PIEZO2: variants seen among roughly 807,000 people sequenced by gnomAD.
PIEZO2 encodes piezo-type mechanosensitive ion channel component 2.
In PIEZO2, 172 loss-of-function variants were observed where a neutral mutation model predicts 337.3. That is an observed-to-expected ratio of 0.51 (90% CI 0.45 to 0.58). PIEZO2 has a LOEUF of 0.58. Ranked by LOEUF, PIEZO2 falls within the 20% of genes least tolerant of loss-of-function variation. PIEZO2 has a pLI of 0.00. For synonymous variants in PIEZO2, 1,251 were observed against 1,228.5 expected, an observed-to-expected ratio of 1.02 and a Z score of -0.38; for missense variants, 3,028 against 3,391.3, an observed-to-expected ratio of 0.89 and a Z score of 2.66.
intron 2 of PIEZO2, among the ~76,000 whole-genome samples, chr18:11,049,515 T>C (rs1439059272): frequency 2.0e-5 from 3 of 152,168 alleles, no homozygotes; most frequent in Non-Finnish European, 4.4e-5. Context: ...TCAACTGTAA[T>C]AACAGGGCAG....
chr18:11,079,017 T>C (rs370798256), intron 1 of PIEZO2, among the ~76,000 whole-genome samples: 1 of 152,216 alleles, frequency 6.6e-6, no homozygotes, highest in East Asian at 1.9e-4. Context: ...GGTGGCATCC[T>C]TTATTCAGGA....
chr18:10,718,353 T>A, intron 36 of PIEZO2, 94 bp from the exon 37 acceptor site: 1 of 1,042,414 alleles, frequency 9.6e-7, no homozygotes, highest in Non-Finnish European at 1.4e-6. Flanking sequence ...ATTTTGTAAT[T>A]AACTCTAGGA....
At chr18:10,733,165 C>T (rs2036854260) in intron 35 of PIEZO2, among the ~76,000 whole-genome samples, 1 of 152,084 alleles carries the variant, frequency 6.6e-6, no homozygotes, top group Admixed American at 6.6e-5. Flanking sequence ...TAAAAGGGCA[C>T]TCCTGGCTCA....
At chr18:10,731,895 C>CT (rs1442198920) in intron 35 of PIEZO2, among the ~76,000 whole-genome samples, 1 of 152,174 alleles carries the variant, frequency 6.6e-6, no homozygotes, top group Non-Finnish European at 1.5e-5. Context: ...CACAAGTAAA[C>CT]TTTGAGTCAA....
Position 10,748,670 on chromosome 18 carries a change from C to T in PIEZO2, c.4265-40G>A. The T allele has an allele frequency of 7.2e-7, 1 of 1,388,138 alleles. No homozygotes were observed. Among genetic ancestry groups the T allele is most frequent in the South Asian group, 1.6e-5 (1 of 63,752 alleles). The allele number at this position is 1,388,138 out of a possible 1,614,324, so 86.0% of individuals were successfully genotyped here. A position where few individuals can be genotyped will look rare whatever the true frequency, so the allele number is the denominator to read the frequency against. Reference sequence around the variant, plus strand: ...GAAAAACACACATTAAAATTAACATCCATTTTCATTGTAATTTTATAAAAT... The same window carrying T: ...GAAAAACACACATTAAAATTAACATTCATTTTCATTGTAATTTTATAAAAT... On this transcript the variant is annotated intron_variant, in intron 29 of 55. Transcript: ENST00000674853. The surrounding 1 kb of genome is among the most constrained non-coding windows in gnomAD (Gnocchi z 5.1).
intron 2 of PIEZO2, among the ~76,000 whole-genome samples, chr18:11,024,685 G>A (rs2036466730): frequency 6.6e-6 from 1 of 152,036 alleles, no homozygotes. Context: ...TTGTCACCCA[G>A]GCTGGAGTGC....
rs543156484 is a variant in PIEZO2, at chr18:10,707,252, A to G, written c.5588+1023T>C. Reference sequence around the variant, plus strand: ...CGCACCAGGTCTCATGGCCAGTAAGACTGTCATCAGTCCTAATCATGCTCC... The same window carrying G: ...CGCACCAGGTCTCATGGCCAGTAAGGCTGTCATCAGTCCTAATCATGCTCC... On this transcript the variant is annotated intron_variant, in intron 40 of 55. Transcript: ENST00000674853. The surrounding 1 kb of genome is among the most constrained non-coding windows in gnomAD (Gnocchi z 4.2). 1.4e-4 allele frequency among the ~76,000 whole-genome samples: 21 copies of G among 152,304 alleles called. No homozygotes were observed. Among genetic ancestry groups the G allele is most frequent in the Non-Finnish European group, 2.4e-4 (16 of 68,010 alleles).
chr18:11,031,489 A>C lies in PIEZO2; in HGVS notation c.160+34638T>G. On this transcript the variant is annotated intron_variant, in intron 2 of 55. Coordinates refer to ENST00000674853, the MANE Select transcript of PIEZO2 (RefSeq NM_001378183.1). This position sits in a 1 kb window ranked among gnomAD's most constrained non-coding sequence, Gnocchi z 4.7. ...TTTGGTTTAGTTATTTCTTCAAAATAGCTGAATTTTATAACACTGGAACTT... is the reference window on the plus strand; with the variant it reads ...TTTGGTTTAGTTATTTCTTCAAAATCGCTGAATTTTATAACACTGGAACTT... Among the ~76,000 whole-genome samples the C allele has an allele frequency of 6.6e-6, 1 of 152,230 alleles. No individual in the cohort carries two copies. Among genetic ancestry groups the C allele is most frequent in the Admixed American group, 6.5e-5 (1 of 15,282 alleles).
chr18:10,993,037 G>C lies in PIEZO2; in HGVS notation c.161-13377C>G, dbSNP rs556787398. On this transcript the variant is annotated intron_variant, in intron 2 of 55. Transcript: ENST00000674853. This position sits in a 1 kb window ranked among gnomAD's most constrained non-coding sequence, Gnocchi z 5.0. ...TGATTTGGCTGTTTGTCTGTTATTG[G>C]TGTATAGGAATGCTTGTGATTTTTG... is the stretch of plus-strand genomic sequence containing the variant. Among the ~76,000 whole-genome samples, 1 of 152,118 alleles carries C rather than the reference G, an allele frequency of 6.6e-6. No homozygotes were observed. Among genetic ancestry groups the C allele is most frequent in the Non-Finnish European group, 1.5e-5 (1 of 68,018 alleles).
At chr18:10,864,956 G>A (rs16975505) in intron 5 of PIEZO2, among the ~76,000 whole-genome samples, 45,407 of 152,064 alleles carry the variant, frequency 0.3, 6,953 homozygotes, top group African/African-American at 0.38. Flanking sequence ...GCAGAGCCCC[G>A]GAAAGACAAG....
At position 11,116,694 on chromosome 18, in the gene PIEZO2, G is replaced by A. The variant is rs537275784; in HGVS notation, c.64+31831C>T. ...TCCGCCACCGCACTCCAGCCTGGGC[G>A]ACAGAACGAGACTCCGTCTCAAAAA... is the stretch of plus-strand genomic sequence containing the variant. On this transcript the variant is annotated intron_variant, in intron 1 of 55. Transcript: ENST00000674853. The surrounding 1 kb of genome is among the most constrained non-coding windows in gnomAD (Gnocchi z 5.0). 1.9e-4 allele frequency among the ~76,000 whole-genome samples: 29 copies of A among 151,322 alleles called. No individual in the cohort carries two copies. Among genetic ancestry groups the A allele is most frequent in the Non-Finnish European group, 3.2e-4 (22 of 67,890 alleles).
At chr18:10,921,152 T>C (rs1490609799) in intron 3 of PIEZO2, among the ~76,000 whole-genome samples, 3 of 152,212 alleles carry the variant, frequency 2.0e-5, no homozygotes, top group East Asian at 1.9e-4. Context: ...TGATCATTCA[T>C]TATAGGCCTT....
chr18:11,016,493 A>AG lies in PIEZO2; in HGVS notation c.161-36834dup. On this transcript the variant is annotated intron_variant, in intron 2 of 55. Coordinates refer to ENST00000674853, the MANE Select transcript of PIEZO2 (RefSeq NM_001378183.1). The surrounding 1 kb of genome is among the most constrained non-coding windows in gnomAD (Gnocchi z 5.6). ...GAACCCCCTGCAAAGGGTGGGTATGAGGGGGGTCGGGTTAAGCGGCTTAAC... is the reference window on the plus strand; with the variant it reads ...GAACCCCCTGCAAAGGGTGGGTATGAGGGGGGGTCGGGTTAAGCGGCTTAAC... Among the ~76,000 whole-genome samples, 1 of 152,284 alleles carries AG rather than the reference A, an allele frequency of 6.6e-6. No individual in the cohort carries two copies. The highest frequency in any genetic ancestry group is 2.1e-4 in the South Asian group (1 of 4,822).
intron 5 of PIEZO2, among the ~76,000 whole-genome samples, chr18:10,868,280 C>G (rs953937018): frequency 6.6e-6 from 1 of 152,142 alleles, no homozygotes; most frequent in Non-Finnish European, 1.5e-5. Context: ...CCTTAAAAAC[C>G]AAACATTCTA....
At chr18:10,934,610 G>T (rs552621692) in intron 3 of PIEZO2, among the ~76,000 whole-genome samples, 175 of 148,534 alleles carry the variant, frequency 1.2e-3, no homozygotes, top group Middle Eastern at 3.5e-3. Context: ...AAAGAGGAGG[G>T]TTAGGAATTG....
At chr18:10,804,682 T>A (rs1243962201) in intron 8 of PIEZO2, among the ~76,000 whole-genome samples, 1 of 152,172 alleles carries the variant, frequency 6.6e-6, no homozygotes, top group African/African-American at 2.4e-5. Context: ...GGCGTTACAT[T>A]TGCCAGGTGG....
At chr18:11,073,916 G>A (rs1331483120) in intron 1 of PIEZO2, among the ~76,000 whole-genome samples, 2 of 146,952 alleles carry the variant, frequency 1.4e-5, no homozygotes, top group African/African-American at 5.0e-5. Context: ...GCGCAATCTC[G>A]GCTCGCTGCA....
At chr18:10,681,852 G>T in intron 50 of PIEZO2, 99 bp from the exon 51 acceptor site, 3 of 1,067,658 alleles carry the variant, frequency 2.8e-6, no homozygotes, top group Non-Finnish European at 4.2e-6. Flanking sequence ...GCCCATTTAT[G>T]TAGGCTATGT....
Position 11,096,232 on chromosome 18 carries a change from G to A in PIEZO2, c.65-30010C>T, listed in dbSNP as rs1200050193. Among the ~76,000 whole-genome samples, 2 of 152,214 alleles carry A rather than the reference G, an allele frequency of 1.3e-5. No homozygotes were observed. The highest frequency in any genetic ancestry group is 2.4e-5 in the African/African-American group (1 of 41,454). On this transcript the variant is annotated intron_variant, in intron 1 of 55. Transcript: ENST00000674853. This position sits in a 1 kb window ranked among gnomAD's most constrained non-coding sequence, Gnocchi z 4.6. ...GTGAAGAAGCCATGAGAAGGACCAC[G>A]TGCCCTTTGCCAGACCAAGCCTGTC... is the stretch of plus-strand genomic sequence containing the variant.
Sources: gnomAD v4.1 joint callset for allele counts (sites outside exome capture counted in the v4.1 genomes callset) on GRCh38, gnomAD v4.1.1 for gene constraint, Gnocchi (gnomAD v3.1) non-coding constraint, MANE v1.5 for transcripts, NCBI Gene and HGNC (gene_info 2026-07-23, HGNC 2026-07-21) for gene names.